Variants in FHOD3 observed in about 807,000 individuals in gnomAD.
FHOD3 encodes the protein formin homology 2 domain containing 3, also known as FH1/FH2 domain-containing protein 3.
Under a neutral mutation model 173.0 loss-of-function variants are expected in FHOD3, and 90 were observed. That is an observed-to-expected ratio of 0.52 (90% CI 0.44 to 0.62). The LOEUF is 0.62. FHOD3 is among the 20% of genes least tolerant of loss of function. FHOD3 has a pLI of 0.00. For synonymous variants in FHOD3, 828 were observed against 823.0 expected (o/e 1.01, Z -0.10); for missense variants, 1,945 against 2,034.7 (o/e 0.96, Z 0.85).
intron 9 of FHOD3, among the ~76,000 whole-genome samples, chr18:36,620,782 C>A (rs1283462031): frequency 1.3e-5 from 2 of 152,216 alleles, no homozygotes; most frequent in African/African-American, 4.8e-5. Flanking sequence ...AGATAGCTGG[C>A]AGAGTTGGGA....
At chr18:36,744,292 C>T in intron 23 of FHOD3, 99 bp downstream of exon 23, 1 of 1,215,724 alleles carries the variant, frequency 8.2e-7, no homozygotes, top group South Asian at 1.5e-5. Context: ...AAGTAAAATG[C>T]CCAAGTGCTG....
intron 5 of FHOD3, among the ~76,000 whole-genome samples, chr18:36,533,632 T>C (rs1444954666): frequency 2.0e-5 from 3 of 152,148 alleles, no homozygotes; most frequent in Non-Finnish European, 4.4e-5. Context: ...CTTTGATAAC[T>C]GGGCAGGTGG....
At chr18:36,593,578 C>T (rs1305974765) in intron 6 of FHOD3, among the ~76,000 whole-genome samples, 2 of 152,186 alleles carry the variant, frequency 1.3e-5, no homozygotes, top group African/African-American at 4.8e-5. Flanking sequence ...TGTCCCCTAA[C>T]ACTGTGATGT....
intron 10 of FHOD3, among the ~76,000 whole-genome samples, chr18:36,642,517 A>G (rs1202666951): frequency 7.3e-6 from 1 of 137,302 alleles, no homozygotes; most frequent in Non-Finnish European, 1.5e-5. Flanking sequence ...TAGGAGGCGG[A>G]GCTTACGGTG....
At chr18:36,353,225 G>A (rs2046215348) in intron 1 of FHOD3, among the ~76,000 whole-genome samples, 1 of 152,182 alleles carries the variant, frequency 6.6e-6, no homozygotes, top group South Asian at 2.1e-4. Context: ...ATGAGGTATG[G>A]TCTGCTATTA....
intron 3 of FHOD3, among the ~76,000 whole-genome samples, chr18:36,470,176 A>C (rs1164852193): frequency 2.0e-5 from 3 of 152,110 alleles, no homozygotes; most frequent in African/African-American, 7.2e-5. Flanking sequence ...TACCCTTGTG[A>C]AGTCTGGAGG....
intron 19 of FHOD3, among the ~76,000 whole-genome samples, chr18:36,725,335 T>C (rs1314465240): frequency 6.6e-6 from 1 of 152,214 alleles, no homozygotes; most frequent in Non-Finnish European, 1.5e-5. Flanking sequence ...TTTGTTAGTC[T>C]GCATGGAAAT....
Position 36,647,129 on chromosome 18 carries a change from C to G in FHOD3, c.1197-2187C>G, listed in dbSNP as rs577615634. On this transcript the variant is annotated intron_variant, in intron 10 of 28. Coordinates refer to ENST00000590592, the MANE Select transcript of FHOD3 (RefSeq NM_001281740.3). Reference sequence around the variant, plus strand: ...TGGTGGTGGGTGCCTGTAATCCCAGCTACTTGGGAGGCTGAGGCAGGAGAA... The same window carrying G: ...TGGTGGTGGGTGCCTGTAATCCCAGGTACTTGGGAGGCTGAGGCAGGAGAA... 2.3e-4 allele frequency among the ~76,000 whole-genome samples: 35 copies of G among 152,258 alleles called. No homozygotes were observed. The East Asian group carries it at 5.4e-3, about 24-fold the overall frequency.
chr18:36,625,513 G>A lies in FHOD3; in HGVS notation c.960G>A (p.Val320=), dbSNP rs1378112164. 7.1e-7 allele frequency: 1 copy of A among 1,417,650 alleles called. No individual in the cohort carries two copies. The highest frequency in any genetic ancestry group is 2.5e-5 in the Admixed American group (1 of 40,130). The allele number at this position is 1,417,650 out of a possible 1,614,324, so 87.8% of individuals were successfully genotyped here. A position where few individuals can be genotyped will look rare whatever the true frequency, so the allele number is the denominator to read the frequency against. Residue 320 remains valine (V), a splice_region_variant and synonymous_variant, in exon 10 of 29, where the codon GTG becomes GTA. Transcript: ENST00000590592. ...CTGGGCGTGCTCTGCTTTTCCAGGTGGCGCTCAGGCACGAGGATGGCGATG... is the reference window on the plus strand; with the variant it reads ...CTGGGCGTGCTCTGCTTTTCCAGGTAGCGCTCAGGCACGAGGATGGCGATG... ...DLVEQLNIYE[V]ALRHEDGDET...
At chr18:36,302,386 A>T (rs2091976985) in intron 1 of FHOD3, among the ~76,000 whole-genome samples, 2 of 151,992 alleles carry the variant, frequency 1.3e-5, no homozygotes, top group South Asian at 4.2e-4. Context: ...AGGTGCTGCC[A>T]CCGCCCCTCC....
rs553128557 is a variant in FHOD3, at chr18:36,696,931, G to A, written c.2236+3508G>A. Among the ~76,000 whole-genome samples, 5 of 152,188 alleles carry A rather than the reference G, an allele frequency of 3.3e-5. No individual in the cohort carries two copies. The East Asian group carries it at 9.7e-4, about 29-fold the overall frequency. On this transcript the variant is annotated intron_variant, in intron 17 of 28. Transcript: ENST00000590592. ...TTTCCTTATTTTCACTGATCCCTGG[G>A]GGTAGACATCAGAATATCTACTTAG...
chr18:36,343,458 A>C (rs1250026843), intron 1 of FHOD3, among the ~76,000 whole-genome samples: 1 of 152,114 alleles, frequency 6.6e-6, no homozygotes, highest in Non-Finnish European at 1.5e-5. Context: ...CTCATGTCAA[A>C]ATTTGATTCC....
chr18:36,736,601 A>G (rs1485598432), intron 20 of FHOD3, among the ~76,000 whole-genome samples: 3 of 152,224 alleles, frequency 2.0e-5, no homozygotes, highest in Non-Finnish European at 4.4e-5. Flanking sequence ...AATGCTGTCA[A>G]GCCATCCCTC....
At chr18:36,590,941 C>A (rs1251482965) in intron 6 of FHOD3, among the ~76,000 whole-genome samples, 1 of 152,128 alleles carries the variant, frequency 6.6e-6, no homozygotes, top group Non-Finnish European at 1.5e-5. Context: ...GGCTAAGGGG[C>A]CTTGCTGAGA....
At chr18:36,549,532 CTTTTTTTTTTT>C (rs386387404) in intron 5 of FHOD3, among the ~76,000 whole-genome samples, 1 of 71,218 alleles carries the variant, frequency 1.4e-5, no homozygotes, top group African/African-American at 5.7e-5. Context: ...TCTAAGAAAT[CTTTTTTTTTTT>C]TTTTTTTTTT....
At chr18:36,628,794 A>G (rs1356952739) in intron 10 of FHOD3, among the ~76,000 whole-genome samples, 5 of 152,210 alleles carry the variant, frequency 3.3e-5, no homozygotes, top group African/African-American at 1.2e-4. Context: ...GATGGGGTAC[A>G]CTTCCAGGCA....
chr18:36,474,395 C>G (rs558881763), intron 3 of FHOD3, among the ~76,000 whole-genome samples: 5 of 152,312 alleles, frequency 3.3e-5, no homozygotes, highest in South Asian at 2.1e-4. Flanking sequence ...AATGCTACAT[C>G]TATAGATTTT....
At chr18:36,511,393 TGAGTCTTA>T (rs2055641036) in intron 4 of FHOD3, among the ~76,000 whole-genome samples, 1 of 150,428 alleles carries the variant, frequency 6.6e-6, no homozygotes, top group South Asian at 2.1e-4. Context: ...TTGCCACTCC[TGAGTCTTA>T]GTGTCTTTAT....
intron 3 of FHOD3, among the ~76,000 whole-genome samples, chr18:36,375,556 G>A (rs1189955512): frequency 6.6e-6 from 1 of 152,204 alleles, no homozygotes; most frequent in Non-Finnish European, 1.5e-5. Context: ...GTAGAGGAAT[G>A]TTTAGAATCC....
Sources: allele counts gnomAD v4.1 joint callset (sites outside exome capture counted in the v4.1 genomes callset), GRCh38; gene constraint gnomAD v4.1.1; transcripts MANE v1.5; gene names NCBI Gene and HGNC (gene_info 2026-07-23, HGNC 2026-07-21).